The following ZNF292 variants were observed in gnomAD, a reference collection of about 807,000 sequenced individuals.
ZNF292 encodes the protein zinc finger protein 292.
A neutral mutation model predicts 217.9 loss-of-function variants in ZNF292; 26 were observed. That is an observed-to-expected ratio of 0.12 (90% CI 0.09 to 0.17). The LOEUF (loss-of-function observed/expected upper bound fraction) is 0.17. Ranked by LOEUF, ZNF292 falls within the 10% of genes least tolerant of loss-of-function variation. The pLI, the probability that ZNF292 is intolerant of heterozygous loss-of-function variation, is 1.00. For missense variants in ZNF292, 2,904 were observed against 3,175.2 expected, an observed-to-expected ratio of 0.91 and a Z score of 2.05; for synonymous variants, 1,257 against 1,124.1, an observed-to-expected ratio of 1.12 and a Z score of -2.37.
At chr6:87,180,967 C>A (rs1057438311) in intron 1 of ZNF292, among the ~76,000 whole-genome samples, 1 of 152,108 alleles carries the variant, frequency 6.6e-6, no homozygotes, top group Non-Finnish European at 1.5e-5. Context: ...CAGCTCAAAC[C>A]CCTAGGGCGA....
In ZNF292 at chr6:87,257,178, G is replaced by C. The variant is rs1258837574; in HGVS notation, c.3549G>C (p.Gln1183His). 1 of 1,613,868 alleles carries C rather than the reference G, an allele frequency of 6.2e-7. No individual in the cohort carries two copies. Among genetic ancestry groups the C allele is most frequent in the African/African-American group, 1.3e-5 (1 of 75,042 alleles). Reference protein sequence around the residue: ...KANGNPACSAQLQHVSPPIFP... With the variant: ...KANGNPACSAHLQHVSPPIFP... ...ATGGGAATCCTGCTTGTTCGGCCCA[G>C]TTGCAGCATGTCTCGCCACCCATTT... is the stretch of plus-strand genomic sequence containing the variant. Residue 1183 changes from glutamine (Q) to histidine (H), a missense_variant, in exon 8 of 8, where the codon CAG becomes CAC. Physicochemically the swap from Gln to His is conservative, Grantham distance 24. Around this residue, in one of 15 missense-constraint regions of ZNF292, gnomAD observed 687 missense variants for 623.0 expected, o/e 1.10. Coordinates refer to ENST00000369577, the MANE Select transcript of ZNF292 (RefSeq NM_015021.3).
At position 87,257,371 on chromosome 6, in the gene ZNF292, A is replaced by G. The variant is rs1460652693; in HGVS notation, c.3742A>G (p.Lys1248Glu). 5.0e-6 allele frequency: 8 copies of G among 1,613,590 alleles called. No homozygotes were observed. The highest frequency in any genetic ancestry group is 6.8e-6 in the Non-Finnish European group (8 of 1,179,784). ...ALPAQMEDLT[K>E]TVLPLNIDSG... ...GCCAGCACAAATGGAAGATCTAACC[A>G]AAACAGTTCTGCCTTTGAATATTGA... The change falls in exon 8 of 8, where the codon AAA becomes GAA. Residue 1248 changes from lysine (K) to glutamate (E), a missense_variant. By Grantham distance (56) the Lys-to-Glu change is moderately conservative (BLOSUM62 1). Around this residue, in one of 15 missense-constraint regions of ZNF292, gnomAD observed 687 missense variants for 623.0 expected, o/e 1.10. Coordinates refer to ENST00000369577, the MANE Select transcript of ZNF292 (RefSeq NM_015021.3).
rs1775399872 is a variant in ZNF292 at position 87,258,955 on chromosome 6, G to A, written c.5326G>A (p.Gly1776Arg). 1.2e-6 allele frequency: 2 copies of A among 1,612,780 alleles called. No individual in the cohort carries two copies. The highest frequency in any genetic ancestry group is 2.7e-5 in the African/African-American group (2 of 74,894). The change falls in exon 8 of 8, where the codon GGA becomes AGA. Residue 1776 changes from glycine (G) to arginine (R), a missense_variant. By Grantham distance (125) the Gly-to-Arg change is moderately radical. Transcript: ENST00000369577. ...TTCTCAAATACTTGAGGTAAAAAGTGGATCTCAGGGTGCTGGTGAAACTTC... is the reference window on the plus strand; with the variant it reads ...TTCTCAAATACTTGAGGTAAAAAGTAGATCTCAGGGTGCTGGTGAAACTTC... ...MNSQILEVKS[G>R]SQGAGETSQN...
chr6:87,257,843 G>A lies in ZNF292; in HGVS notation c.4214G>A (p.Gly1405Glu), dbSNP rs757926286. ...CGATCTTACTGTAAACCACTGGATG[G>A]AGCCGAAATTGCTCAAGAACTTCTA... ...SKRSYCKPLD[G>E]AEIAQELLQS... The change falls in exon 8 of 8, where the codon GGA becomes GAA. Residue 1405 changes from glycine (G) to glutamate (E), a missense_variant. Gly to Glu is a moderately conservative substitution (Grantham distance 98). This residue lies in a region of ZNF292 where 622 missense variants were observed against 573.1 expected (regional missense o/e 1.09). Coordinates refer to ENST00000369577, the MANE Select transcript of ZNF292 (RefSeq NM_015021.3). The A allele has an allele frequency of 6.2e-7, 1 of 1,613,886 alleles. No individual in the cohort carries two copies. Among genetic ancestry groups the A allele is most frequent in the East Asian group, 2.2e-5 (1 of 44,888 alleles).
At chr6:87,192,790 T>TG (rs1771856396) in intron 1 of ZNF292, among the ~76,000 whole-genome samples, 1 of 152,208 alleles carries the variant, frequency 6.6e-6, no homozygotes, top group Admixed American at 6.5e-5. Context: ...TCTCTACTGA[T>TG]GAACGTTTAC....
At position 87,255,209 on chromosome 6, in the gene ZNF292, G is replaced by T. The variant is rs1283964399; in HGVS notation, c.1580G>T (p.Arg527Met). Residue 527 changes from arginine (R) to methionine (M), a missense_variant, in exon 8 of 8, where the codon AGG (arginine) becomes ATG (methionine). By Grantham distance (91) the Arg-to-Met change is moderately conservative (BLOSUM62 -1). This residue lies in a region of ZNF292 where 87 missense variants were observed against 99.6 expected (regional missense o/e 0.87). Transcript: ENST00000369577. The stretch of plus-strand genomic sequence containing the variant: ...AGAGAGATAAAACAGTTAAGAGAGA[G>T]GGGATTTATATCTGCTCGGTTTAGG... ...KKREIKQLRE[R>M]GFISARFRNW... is the part of the protein sequence containing the mutation. 1 of 1,613,834 alleles carries T rather than the reference G, an allele frequency of 6.2e-7. No homozygotes were observed. Among genetic ancestry groups the T allele is most frequent in the South Asian group, 1.1e-5 (1 of 91,062 alleles).
At chr6:87,177,944 T>A (rs1459708541) in intron 1 of ZNF292, among the ~76,000 whole-genome samples, 2 of 152,196 alleles carry the variant, frequency 1.3e-5, no homozygotes, top group African/African-American at 4.8e-5. Context: ...ATATCTCTTA[T>A]TTTTTTGTAG....
chr6:87,241,067 G>A (rs999810820), intron 5 of ZNF292, among the ~76,000 whole-genome samples: 1 of 152,130 alleles, frequency 6.6e-6, no homozygotes, highest in South Asian at 2.1e-4. Flanking sequence ...GGTGGATCAC[G>A]AGGTCAGGAG....
chr6:87,202,926 C>T (rs1449199909), intron 1 of ZNF292, among the ~76,000 whole-genome samples: 2 of 151,934 alleles, frequency 1.3e-5, no homozygotes, highest in African/African-American at 2.4e-5. Context: ...ACAAATTAAA[C>T]TATCTTAGGT....
intron 1 of ZNF292, among the ~76,000 whole-genome samples, chr6:87,162,727 C>G (rs1354413598): frequency 6.6e-6 from 1 of 152,178 alleles, no homozygotes; most frequent in East Asian, 1.9e-4. Context: ...AAGATTTATT[C>G]TGCAGCTGTA....
At chr6:87,218,299 A>T (rs1582439316) in intron 3 of ZNF292, among the ~76,000 whole-genome samples, 1 of 152,136 alleles carries the variant, frequency 6.6e-6, no homozygotes, top group South Asian at 2.1e-4. Context: ...TTTTATGCGT[A>T]TGGATATTCT....
intron 2 of ZNF292, 94 bp from the exon 3 acceptor site, chr6:87,216,205 G>A: frequency 7.6e-7 from 1 of 1,322,070 alleles, no homozygotes; most frequent in Admixed American, 2.1e-5. Context: ...GATTAGTTAT[G>A]GGGAGTCTGC....
chr6:87,256,288 A>G lies in ZNF292; in HGVS notation c.2659A>G (p.Ser887Gly). The G allele has an allele frequency of 1.9e-6, 3 of 1,613,820 alleles. No individual in the cohort carries two copies. Among genetic ancestry groups the G allele is most frequent in the Non-Finnish European group, 2.5e-6 (3 of 1,179,850 alleles). The change falls in exon 8 of 8, where the codon AGT becomes GGT. Residue 887 changes from serine (S) to glycine (G), a missense_variant. By Grantham distance (56) the Ser-to-Gly change is moderately conservative. This residue lies in a region of ZNF292 where 687 missense variants were observed against 623.0 expected (regional missense o/e 1.10). Coordinates refer to ENST00000369577, the MANE Select transcript of ZNF292 (RefSeq NM_015021.3). Reference protein sequence around the residue: ...NIENSLLADRSDAWDKSKAES... With the variant: ...NIENSLLADRGDAWDKSKAES... ...TGAAAACAGCTTACTAGCAGATAGA[A>G]GTGATGCTTGGGATAAAAGCAAAGC...
chr6:87,260,051 C>A lies in ZNF292; in HGVS notation c.6422C>A (p.Ser2141Ter). The A allele has an allele frequency of 6.2e-7, 1 of 1,613,542 alleles. No homozygotes were observed. Among genetic ancestry groups the A allele is most frequent in the South Asian group, 1.1e-5 (1 of 91,056 alleles). Residue 2141 changes from serine (S) to a stop codon, truncating the protein, a stop_gained, in exon 8 of 8, where the codon TCA (serine) becomes TAA (stop). Transcript: ENST00000369577. LOFTEE classifies it high-confidence loss of function. ...LILHYQAVHK[S>*]DLPAFSAEVE... ...CTCCATTACCAGGCTGTACACAAAT[C>A]AGATCTACCTGCATTTTCAGCAGAG...
Position 87,256,659 on chromosome 6 carries a change from T to A in ZNF292, c.3030T>A (p.Thr1010=), listed in dbSNP as rs758062932. Residue 1010 remains threonine (T), a synonymous_variant, in exon 8 of 8, where the codon ACT becomes ACA. Transcript: ENST00000369577. ...AGAATTCTTTAGTAAATTCAGAAAC[T>A]CTCAAAATAGGTGACCTTACCCCAC... ...VTQNSLVNSE[T]LKIGDLTPQN... 1.9e-6 allele frequency: 3 copies of A among 1,613,454 alleles called. No individual in the cohort carries two copies. Among genetic ancestry groups the A allele is most frequent in the South Asian group, 2.2e-5 (2 of 91,074 alleles).
Position 87,255,067 on chromosome 6 carries a change from G to C in ZNF292, c.1438G>C (p.Glu480Gln). The C allele has an allele frequency of 6.2e-7, 1 of 1,613,642 alleles. No homozygotes were observed. Among genetic ancestry groups the C allele is most frequent in the Non-Finnish European group, 8.5e-7 (1 of 1,179,840 alleles). The stretch of plus-strand genomic sequence containing the variant: ...TGAACTAAATGACAGTGAAGTATAT[G>C]AAAAAGTGGTAGACTACCAAGAAGA... Reference protein sequence around the residue: ...IDELNDSEVYEKVVDYQEESK... With the variant: ...IDELNDSEVYQKVVDYQEESK... Residue 480 changes from glutamate (E) to glutamine (Q), a missense_variant, in exon 8 of 8, where the codon GAA becomes CAA. Physicochemically the swap from Glu to Gln is conservative, Grantham distance 29 (BLOSUM62 2). Transcript: ENST00000369577.
chr6:87,253,731 T>A (rs776922439), intron 7 of ZNF292, among the ~76,000 whole-genome samples: 2 of 152,192 alleles, frequency 1.3e-5, no homozygotes, highest in Non-Finnish European at 2.9e-5. Flanking sequence ...CTTAACTTAA[T>A]GAAAATAGAG....
chr6:87,245,448 C>A, intron 6 of ZNF292, 55 bp from the exon 7 acceptor site: 1 of 1,299,514 alleles, frequency 7.7e-7, no homozygotes, highest in Non-Finnish European at 1.0e-6. Flanking sequence ...GACTGATGTC[C>A]ATGATTATTA....
In ZNF292 at chr6:87,261,571, A is replaced by G. The variant is rs1477013541; in HGVS notation, c.7942A>G (p.Ser2648Gly). The change falls in exon 8 of 8, where the codon AGC becomes GGC. Residue 2648 changes from serine (S) to glycine (G), a missense_variant. Coordinates refer to ENST00000369577, the MANE Select transcript of ZNF292 (RefSeq NM_015021.3). The stretch of plus-strand genomic sequence containing the variant: ...AAATCATGTATGTCCTTGTAAAGAA[A>G]GCGAAACGTTTGTACAGTTTGCCAA... ...SGNHVCPCKESETFVQFANPS... is the reference protein window; with the variant it reads ...SGNHVCPCKEGETFVQFANPS... 1 of 1,610,660 alleles carries G rather than the reference A, an allele frequency of 6.2e-7. No individual in the cohort carries two copies. The highest frequency in any genetic ancestry group is 8.5e-7 in the Non-Finnish European group (1 of 1,178,262).
Sources: gnomAD v4.1 joint callset for allele counts (sites outside exome capture counted in the v4.1 genomes callset) on GRCh38, gnomAD v4.1.1 for gene constraint, gnomAD v4.1.1 regional missense constraint, MANE v1.5 for transcripts, NCBI Gene and HGNC (gene_info 2026-07-23, HGNC 2026-07-21) for gene names.